The following SNUPN variants were observed in gnomAD, a reference collection of about 807,000 sequenced individuals.
SNUPN encodes snurportin-1.
SNUPN carries 31 observed loss-of-function variants against 39.2 expected under a neutral mutation model. That is an observed-to-expected ratio of 0.79 (90% CI 0.59 to 1.07). SNUPN has a LOEUF of 1.07. Among genes scored for constraint, SNUPN ranks in the 50% least tolerant of loss-of-function variants. The pLI is 0.00. For missense variants in SNUPN, 382 were observed against 434.2 expected, an observed-to-expected ratio of 0.88 and a Z score of 1.07; for synonymous variants, 132 against 159.0, an observed-to-expected ratio of 0.83 and a Z score of 1.28.
chr15:75,601,219 C>A lies in SNUPN; in HGVS notation c.679-1G>T, dbSNP rs774049450. On this transcript the variant is annotated splice_acceptor_variant, in intron 7 of 8. Transcript: ENST00000308588. LOFTEE classifies it high-confidence loss of function. ...AGTTCTTTAGCCCCACAAATTTAAA[C>A]TGAAATAGAAATTAGAACAAGGAAT... is the stretch of plus-strand genomic sequence containing the variant. 1 of 1,604,932 alleles carries A rather than the reference C, an allele frequency of 6.2e-7. No homozygotes were observed. Among genetic ancestry groups the A allele is most frequent in the South Asian group, 1.1e-5 (1 of 90,896 alleles).
At position 75,622,565 on chromosome 15, in the gene SNUPN, A is replaced by G. The variant is rs765881228; in HGVS notation, c.-5-1509T>C. 7 of 870,450 alleles carry G rather than the reference A, an allele frequency of 8.0e-6. No homozygotes were observed. The South Asian group carries it at 3.7e-4, about 46-fold the overall frequency. 53.9% of individuals were successfully genotyped at this position (870,450 alleles called of 1,614,324 possible). ...CCTGTGAGCCTTAGATTATAAGAAA[A>G]CAGGAACATTTGGGAGAAATCTGAC... On this transcript the variant is annotated intron_variant, in intron 1 of 8. Coordinates refer to ENST00000308588, the MANE Select transcript of SNUPN (RefSeq NM_005701.4).
chr15:75,626,356 T>TG (rs769280902), upstream of SNUPN: 2 of 152,206 alleles, frequency 1.3e-5, no homozygotes, highest in Non-Finnish European at 2.9e-5. Context: ...GCACAAGGGA[T>TG]GGCGCTCAGT....
At chr15:75,606,452 G>A (rs1002569396) in intron 6 of SNUPN, among the ~76,000 whole-genome samples, 1 of 151,924 alleles carries the variant, frequency 6.6e-6, no homozygotes, top group African/African-American at 2.4e-5. Context: ...TACACACCGA[G>A]AACCACTATG....
chr15:75,621,361 A>T (rs946734649), intron 1 of SNUPN, among the ~76,000 whole-genome samples: 1 of 151,616 alleles, frequency 6.6e-6, no homozygotes, highest in African/African-American at 2.4e-5. Context: ...ACTGGACCCA[A>T]GCAATCCTCC....
At chr15:75,601,251 G>A (rs377664399) in intron 7 of SNUPN, 33 bp from the exon 8 acceptor site, 47 of 1,414,184 alleles carry the variant, frequency 3.3e-5, no homozygotes, top group African/African-American at 1.8e-4. Flanking sequence ...GAATTAGTAC[G>A]TTATAAATGA....
At chr15:75,603,234 A>G (rs1244091974) in intron 7 of SNUPN, among the ~76,000 whole-genome samples, 1 of 148,760 alleles carries the variant, frequency 6.7e-6, no homozygotes, top group Non-Finnish European at 1.5e-5. Context: ...TTTTTAGTAG[A>G]GACGGGGTTT....
chr15:75,609,032 G>A (rs1177931199), intron 5 of SNUPN, among the ~76,000 whole-genome samples: 2 of 151,592 alleles, frequency 1.3e-5, no homozygotes, highest in Non-Finnish European at 2.9e-5. Context: ...TCAGGAGGCT[G>A]AGGCAGGAGA....
At chr15:75,613,931 G>T (rs1244685691) in intron 3 of SNUPN, among the ~76,000 whole-genome samples, 2 of 152,122 alleles carry the variant, frequency 1.3e-5, no homozygotes, top group East Asian at 3.8e-4. Flanking sequence ...CCACTTCTAG[G>T]TATATACACA....
At chr15:75,620,754 C>T (rs376344148) in intron 2 of SNUPN, 140 bp downstream of exon 2, 20 of 750,718 alleles carry the variant, frequency 2.7e-5, no homozygotes, top group Middle Eastern at 4.0e-4. Flanking sequence ...GGATTTACCC[C>T]TCCCAACCTG....
At chr15:75,615,594 ATTTTTTTTTTTT>A (rs141302808) in intron 3 of SNUPN, among the ~76,000 whole-genome samples, 1,631 of 74,172 alleles carry the variant, frequency 0.022, 57 homozygotes, top group African/African-American at 0.08. Context: ...AAGGAATCTC[ATTTTTTTTTTTT>A]TTTTTTTTTT....
In SNUPN at chr15:75,606,442, T is replaced by C. The variant is rs757742015; in HGVS notation, c.600+774A>G. Among the ~76,000 whole-genome samples, 67 of 151,900 alleles carry C rather than the reference T, an allele frequency of 4.4e-4. 1 individual carries two copies. The highest frequency in any genetic ancestry group is 1.8e-4 in the Non-Finnish European group (12 of 67,962). ...GTTCTGATATGCCTGGTCTGGAGAC[T>C]ACACACCGAGAACCACTATGATAAA... On this transcript the variant is annotated intron_variant, in intron 6 of 8. Coordinates refer to ENST00000308588, the MANE Select transcript of SNUPN (RefSeq NM_005701.4).
At position 75,598,644 on chromosome 15, in the gene SNUPN, T is replaced by C; in HGVS notation, c.797A>G (p.Tyr266Cys). The C allele has an allele frequency of 6.2e-7, 1 of 1,609,734 alleles. No individual in the cohort carries two copies. The change falls in exon 9 of 9, where the codon TAC (tyrosine) becomes TGC (cysteine). Residue 266 changes from tyrosine to cysteine, a missense_variant. Coordinates refer to ENST00000308588, the MANE Select transcript of SNUPN (RefSeq NM_005701.4). ...GLLFYHKQTH[Y>C]SPGSTPLVGW... ...CACCAAGGGAGTGCTTCCGGGGCTG[T>C]AGTGGGTCTGTTTGTGGTAGAAGAG...
chr15:75,620,762 C>T (rs1427538270), intron 2 of SNUPN, 132 bp downstream of exon 2: 1 of 780,778 alleles, frequency 1.3e-6, no homozygotes, highest in African/African-American at 1.8e-5. Flanking sequence ...CCCTCCCAAC[C>T]TGTGGGCAAG....
At position 75,611,314 on chromosome 15, in the gene SNUPN, G is replaced by A. The variant is rs556125291; in HGVS notation, c.304-1320C>T. On this transcript the variant is annotated intron_variant, in intron 3 of 8. Transcript: ENST00000308588. ...GTCGCCCAGGCTGGAGTGCAGTGGC[G>A]CTATCTCAGCTCACTGCAAGCTGCG... Among the ~76,000 whole-genome samples, 9 of 149,480 alleles carry A rather than the reference G, an allele frequency of 6.0e-5. No individual in the cohort carries two copies. The South Asian group carries it at 1.9e-3, about 32-fold the overall frequency.
chr15:75,611,322 A>G (rs113333819), intron 3 of SNUPN, among the ~76,000 whole-genome samples: 15,956 of 147,402 alleles, frequency 0.11, 1,873 homozygotes, highest in African/African-American at 0.29. Flanking sequence ...GCGCTATCTC[A>G]GCTCACTGCA....
intron 5 of SNUPN, among the ~76,000 whole-genome samples, chr15:75,609,174 CTTTTTTTTTTTTTTT>C (rs1205961290): frequency 1.1e-5 from 1 of 89,672 alleles, no homozygotes; most frequent in Admixed American, 1.1e-4. Flanking sequence ...CAAAGTGGGT[CTTTTTTTTTTTTTTT>C]TTTTTTTTTT....
In SNUPN at chr15:75,607,203, G is replaced by A; in HGVS notation, c.600+13C>T. 5 of 1,587,524 alleles carry A rather than the reference G, an allele frequency of 3.1e-6. No individual in the cohort carries two copies. The highest frequency in any genetic ancestry group is 4.3e-6 in the Non-Finnish European group (5 of 1,156,036). On this transcript the variant is annotated intron_variant, in intron 6 of 8. Transcript: ENST00000308588. The stretch of plus-strand genomic sequence containing the variant: ...AAGACAGGAAGAGCCACGAGAGGAG[G>A]ATCCATCCCTACCTGGCAATCATAA...
chr15:75,605,305 ATTTTTT>A, intron 6 of SNUPN, 78 bp from the exon 7 acceptor site: 47 of 540,628 alleles, frequency 8.7e-5, no homozygotes, highest in East Asian at 1.2e-4. Context: ...ACCCCATGCT[ATTTTTT>A]TTTTTTTTTT....
chr15:75,609,390 C>T (rs1892720771), intron 5 of SNUPN, among the ~76,000 whole-genome samples, 168 bp downstream of exon 5: 1 of 152,000 alleles, frequency 6.6e-6, no homozygotes, highest in African/African-American at 2.4e-5. Context: ...GGGGTTTCAC[C>T]TTGTTAGCCA....
Sources: allele counts gnomAD v4.1 joint callset (sites outside exome capture counted in the v4.1 genomes callset), GRCh38; gene constraint gnomAD v4.1.1; transcripts MANE v1.5; gene names NCBI Gene and HGNC (gene_info 2026-07-23, HGNC 2026-07-21).